Variants in FSIP1 observed in about 807,000 individuals in gnomAD.
FSIP1 encodes the protein fibrous sheath-interacting protein 1.
FSIP1 carries 65 observed loss-of-function variants against 60.9 expected under a neutral mutation model. The ratio of observed to expected loss-of-function variants is 1.07; its 90% CI spans 0.87 to 1.31. FSIP1 has a LOEUF of 1.31. Among genes scored for constraint, FSIP1 ranks in the 40% most tolerant of loss-of-function variants. The probability of loss-of-function intolerance (pLI) is 0.00; values close to 1 mark genes in which losing one functional copy is unlikely to be tolerated. For synonymous variants in FSIP1, 209 were observed against 221.2 expected, an observed-to-expected ratio of 0.94 and a Z score of 0.49; for missense variants, 675 against 665.5, an observed-to-expected ratio of 1.01 and a Z score of -0.16.
At chr15:39,710,837 T>C (rs1895476495) in intron 10 of FSIP1, among the ~76,000 whole-genome samples, 1 of 152,264 alleles carries the variant, frequency 6.6e-6, no homozygotes, top group Admixed American at 6.5e-5. Context: ...AATGATTAAA[T>C]ACTTTAGTAT....
chr15:39,730,879 T>C (rs1896378636), intron 8 of FSIP1, among the ~76,000 whole-genome samples: 1 of 152,266 alleles, frequency 6.6e-6, no homozygotes, highest in Middle Eastern at 3.4e-3. Flanking sequence ...ACCAGGCTGT[T>C]CCTAAAGCCA....
intron 9 of FSIP1, among the ~76,000 whole-genome samples, chr15:39,714,054 G>A (rs897139339): frequency 2.6e-5 from 4 of 152,188 alleles, no homozygotes; most frequent in African/African-American, 9.7e-5. Flanking sequence ...TTCCTGACTA[G>A]ACTGACCTGA....
At chr15:39,692,259 C>A (rs1894633764) in intron 10 of FSIP1, among the ~76,000 whole-genome samples, 5 of 152,144 alleles carry the variant, frequency 3.3e-5, no homozygotes, top group Admixed American at 3.3e-4. Context: ...AGTTACCCAC[C>A]TGGAGGGCTA....
chr15:39,722,464 T>G (rs1020871056), intron 9 of FSIP1, among the ~76,000 whole-genome samples: 1 of 152,154 alleles, frequency 6.6e-6, no homozygotes, highest in African/African-American at 2.4e-5. Flanking sequence ...CCAAAATACT[T>G]GGGGACCACT....
At chr15:39,776,236 T>C (rs895711218) in intron 2 of FSIP1, among the ~76,000 whole-genome samples, 163 bp downstream of exon 2, 29 of 105,706 alleles carry the variant, frequency 2.7e-4, no homozygotes, top group Admixed American at 1.0e-3. Context: ...GGAGTAGAGT[T>C]TTTTCATATT....
At chr15:39,769,552 C>A (rs1366172984) in intron 3 of FSIP1, among the ~76,000 whole-genome samples, 1 of 152,204 alleles carries the variant, frequency 6.6e-6, no homozygotes, top group African/African-American at 2.4e-5. Context: ...CAACTCCAAC[C>A]ATCACAAAAG....
At chr15:39,736,463 T>G (rs1053723172) in intron 8 of FSIP1, among the ~76,000 whole-genome samples, 6 of 152,238 alleles carry the variant, frequency 3.9e-5, no homozygotes, top group African/African-American at 1.4e-4. Context: ...TAGGAGCAGT[T>G]GTGAACATTT....
At chr15:39,671,585 G>A (rs1337096261) in intron 10 of FSIP1, among the ~76,000 whole-genome samples, 1 of 152,170 alleles carries the variant, frequency 6.6e-6, no homozygotes, top group Admixed American at 6.5e-5. Flanking sequence ...TAAATGCCAA[G>A]GGAGTAAGTT....
intron 10 of FSIP1, among the ~76,000 whole-genome samples, chr15:39,631,797 A>G (rs1891901462): frequency 2.0e-5 from 3 of 152,256 alleles, no homozygotes; most frequent in Non-Finnish European, 2.9e-5. Flanking sequence ...ATTAATAGAA[A>G]GCCTCACAAA....
At chr15:39,756,564 T>A (rs560193253) in intron 5 of FSIP1, among the ~76,000 whole-genome samples, 3 of 152,028 alleles carry the variant, frequency 2.0e-5, no homozygotes, top group Non-Finnish European at 4.4e-5. Flanking sequence ...CTCGAACTCC[T>A]GGCTTCAGGC....
chr15:39,685,458 C>A (rs751068493), intron 10 of FSIP1, among the ~76,000 whole-genome samples: 17 of 152,264 alleles, frequency 1.1e-4, no homozygotes, highest in Admixed American at 9.1e-4. Flanking sequence ...ACATAGAAAG[C>A]CTTTGATGGC....
rs114632279 is a variant in FSIP1 at position 39,635,498 on chromosome 15, G to A, written c.1189-17253C>T. On this transcript the variant is annotated intron_variant, in intron 10 of 11. Coordinates refer to ENST00000350221, the MANE Select transcript of FSIP1 (RefSeq NM_152597.5). ...AGTAAGTACACTCTTTCAAAGGGCC[G>A]GATCTAGCAAGTTCTTGACCTTAGT... Among the ~76,000 whole-genome samples the A allele has an allele frequency of 1.3e-3, 197 of 152,176 alleles. 2 individuals carry two copies. The highest frequency in any genetic ancestry group is 4.5e-3 in the African/African-American group (188 of 41,526).
chr15:39,624,253 C>A (rs905061399), intron 10 of FSIP1, among the ~76,000 whole-genome samples: 1 of 152,148 alleles, frequency 6.6e-6, no homozygotes, highest in Non-Finnish European at 1.5e-5. Context: ...CTATGAAGTA[C>A]GTAACCATCA....
intron 11 of FSIP1, chr15:39,602,345 T>C (rs1295334512): frequency 2.2e-6 from 1 of 456,440 alleles, no homozygotes; most frequent in Non-Finnish European, 4.4e-6. Flanking sequence ...CGTTCTCTCC[T>C]AGGGCCTCCA....
At chr15:39,716,077 A>T (rs566965971) in intron 9 of FSIP1, among the ~76,000 whole-genome samples, 1 of 152,242 alleles carries the variant, frequency 6.6e-6, no homozygotes, top group Non-Finnish European at 1.5e-5. Context: ...ACTAATACAC[A>T]TCTAGAGGCT....
At position 39,615,411 on chromosome 15, in the gene FSIP1, T is replaced by C. The variant is rs367564690; in HGVS notation, c.1699+2324A>G. Among the ~76,000 whole-genome samples the C allele has an allele frequency of 1.2e-4, 7 of 60,786 alleles. No homozygotes were observed. The East Asian group carries it at 1.5e-3, about 13-fold the overall frequency. The allele number at this position is 60,786 out of a possible 152,430, so 39.9% of individuals were successfully genotyped here. A position where few individuals can be genotyped will look rare whatever the true frequency, so the allele number is the denominator to read the frequency against. ...TATATAAGGAACTCAAACAACTCAATAGCAAAAAAAAAAAAAAAAATTAAA... is the reference window on the plus strand; with the variant it reads ...TATATAAGGAACTCAAACAACTCAACAGCAAAAAAAAAAAAAAAAATTAAA... On this transcript the variant is annotated intron_variant, in intron 11 of 11. Transcript: ENST00000350221.
Position 39,739,768 on chromosome 15 carries a change from C to A in FSIP1, c.677G>T (p.Arg226Ile), listed in dbSNP as rs1171276342. ...TCCTGATTTGATCAATGACTCATTT[C>A]TTTCCACATCACAGGTAAAATCTAA... ...LNKDFTCDVE[R>I]NESLIKSGKK... Residue 226 changes from arginine (R) to isoleucine (I), a missense_variant, in exon 7 of 12, where the codon AGA (arginine) becomes ATA (isoleucine). Transcript: ENST00000350221. 4.5e-6 allele frequency: 7 copies of A among 1,571,116 alleles called. No individual in the cohort carries two copies. The Admixed American group carries it at 1.5e-4, about 33-fold the overall frequency.
chr15:39,695,266 G>A lies in FSIP1; in HGVS notation c.1188+18178C>T, dbSNP rs114178266. On this transcript the variant is annotated intron_variant, in intron 10 of 11. Transcript: ENST00000350221. ...TGTTTAATTGCCTTTGGTGTTCTCT[G>A]TCAGCCTCCCCTCCATGGCTGCCAA... Among the ~76,000 whole-genome samples the A allele has an allele frequency of 1.3e-3, 202 of 151,872 alleles. 1 individual carries two copies. Among genetic ancestry groups the A allele is most frequent in the African/African-American group, 4.4e-3 (183 of 41,404 alleles).
At chr15:39,602,966 A>T (rs1444982814) in intron 11 of FSIP1, among the ~76,000 whole-genome samples, 13 of 152,174 alleles carry the variant, frequency 8.5e-5, no homozygotes, top group Non-Finnish European at 5.9e-5. Context: ...ACTGGGGGAA[A>T]TTTTGCCCCC....
Sources: gnomAD v4.1 joint callset for allele counts (sites outside exome capture counted in the v4.1 genomes callset) on GRCh38, gnomAD v4.1.1 for gene constraint, MANE v1.5 for transcripts, NCBI Gene and HGNC (gene_info 2026-07-23, HGNC 2026-07-21) for gene names.